The following PPP2R5C variants were observed in gnomAD, a reference collection of about 807,000 sequenced individuals.
The protein encoded by PPP2R5C is protein phosphatase 2 regulatory subunit B'gamma.
PPP2R5C carries 7 observed loss-of-function variants against 68.9 expected under a neutral mutation model. That is an observed-to-expected ratio of 0.10 (90% CI 0.06 to 0.19). The LOEUF (loss-of-function observed/expected upper bound fraction) is 0.19, where lower values mean the gene tolerates loss of function less well. Ranked by LOEUF, PPP2R5C falls within the 10% of genes least tolerant of loss-of-function variation. The pLI, the probability that PPP2R5C is intolerant of heterozygous loss-of-function variation, is 1.00. For missense variants in PPP2R5C, 348 were observed against 641.3 expected, an observed-to-expected ratio of 0.54 and a Z score of 4.94; for synonymous variants, 210 against 222.2, an observed-to-expected ratio of 0.95 and a Z score of 0.49.
In PPP2R5C at chr14:101,824,175, C is replaced by T. The variant is rs189957842; in HGVS notation, c.94+14139C>T. On this transcript the variant is annotated intron_variant, in intron 1 of 13. Coordinates refer to ENST00000334743, the Ensembl canonical transcript of PPP2R5C. The stretch of plus-strand genomic sequence containing the variant: ...CTGGCAAGAGTATTTTCGTGGTAAA[C>T]GTAAACTTACTATTGGTAAAGATTC... 7.5e-4 allele frequency: 950 copies of T among 1,263,984 alleles called. 6 individuals carry two copies. In the East Asian group the frequency reaches 0.016, roughly 22 times the overall value. The allele number at this position is 1,263,984 out of a possible 1,614,324, so 78.3% of individuals were successfully genotyped here.
intron 1 of PPP2R5C, among the ~76,000 whole-genome samples, chr14:101,816,940 T>C (rs1269667521): frequency 7.0e-6 from 1 of 142,834 alleles, no homozygotes; most frequent in Non-Finnish European, 1.5e-5. Flanking sequence ...ATATATAATA[T>C]AAAAATATTA....
intron 3 of PPP2R5C, among the ~76,000 whole-genome samples, chr14:101,787,562 G>C (rs376220853): frequency 2.9e-4 from 44 of 151,500 alleles, no homozygotes; most frequent in Non-Finnish European, 5.2e-4. Flanking sequence ...AGGAGATCAA[G>C]ACCATCCTGG....
upstream of PPP2R5C, chr14:101,761,817 G>T (rs2036554668): frequency 2.1e-6 from 2 of 970,108 alleles, no homozygotes; most frequent in Admixed American, 6.6e-5. Context: ...GGGGCGCGAC[G>T]GCCGGGGCGG....
Position 101,906,709 on chromosome 14 carries a change from AC to A in PPP2R5C, c.1151+182del. ...GGTTGTTTCTGTGGCCGTTGAATTT[AC>A]CACCTTATACCTTCATTCCTGCCAG... On this transcript the variant is annotated intron_variant, in intron 10 of 13. Coordinates refer to ENST00000334743, the Ensembl canonical transcript of PPP2R5C. The surrounding 1 kb of genome is among the most constrained non-coding windows in gnomAD (Gnocchi z 4.0). 2 of 734,126 alleles carry A rather than the reference AC, an allele frequency of 2.7e-6. No homozygotes were observed. Among genetic ancestry groups the A allele is most frequent in the East Asian group, 2.9e-5 (1 of 34,680 alleles). The allele number at this position is 734,126 out of a possible 1,614,324, so 45.5% of individuals were successfully genotyped here.
In PPP2R5C at chr14:101,917,825, T is replaced by C. The variant is rs748498185; in HGVS notation, c.1327-6T>C. ...TAACAGAGCGACTCCACGCTTTGCA[T>C]TGCAGTACACAGTGTATAGTCAAGC... On this transcript the variant is annotated splice_region_variant and splice_polypyrimidine_tract_variant and intron_variant, in intron 12 of 13. Transcript: ENST00000334743. This position sits in a 1 kb window ranked among gnomAD's most constrained non-coding sequence, Gnocchi z 4.4. 3 of 1,613,258 alleles carry C rather than the reference T, an allele frequency of 1.9e-6. No homozygotes were observed. Among genetic ancestry groups the C allele is most frequent in the Non-Finnish European group, 1.7e-6 (2 of 1,179,486 alleles).
chr14:101,904,934 T>C (rs1566957637), intron 9 of PPP2R5C, among the ~76,000 whole-genome samples: 1 of 152,260 alleles, frequency 6.6e-6, no homozygotes, highest in East Asian at 1.9e-4. Context: ...TGCACTTGTG[T>C]GCTGGTTTAC....
At chr14:101,768,483 A>G (rs2036973889) in intron 2 of PPP2R5C, among the ~76,000 whole-genome samples, 1 of 152,194 alleles carries the variant, frequency 6.6e-6, no homozygotes, top group Admixed American at 6.5e-5. Flanking sequence ...CACCCATTAC[A>G]TGTTGACATA....
At chr14:101,794,775 C>G (rs1470169329) in intron 3 of PPP2R5C, among the ~76,000 whole-genome samples, 1 of 152,228 alleles carries the variant, frequency 6.6e-6, no homozygotes, top group African/African-American at 2.4e-5. Context: ...ATTGTGTCTT[C>G]TAGTTATTAG....
intron 9 of PPP2R5C, among the ~76,000 whole-genome samples, chr14:101,903,167 G>A (rs951150847): frequency 5.3e-5 from 8 of 152,058 alleles, no homozygotes; most frequent in Admixed American, 2.0e-4. Flanking sequence ...CAGGGCGTTC[G>A]TATGCCAAGG....
intron 1 of PPP2R5C, among the ~76,000 whole-genome samples, chr14:101,829,592 CTT>C (rs1477056882): frequency 6.6e-6 from 1 of 152,226 alleles, no homozygotes; most frequent in Non-Finnish European, 1.5e-5. Flanking sequence ...ATTGAGACCT[CTT>C]ATAATATTCC....
At chr14:101,775,240 T>C (rs561811276) in intron 2 of PPP2R5C, among the ~76,000 whole-genome samples, 2 of 152,326 alleles carry the variant, frequency 1.3e-5, no homozygotes, top group African/African-American at 2.4e-5. Context: ...TTATATCTAG[T>C]TGTGAATTTT....
upstream of PPP2R5C, chr14:101,760,608 C>A: frequency 1.4e-6 from 1 of 703,216 alleles, no homozygotes; most frequent in Non-Finnish European, 1.6e-6. Context: ...CAGGAAAGGA[C>A]GGGACTGTCG....
chr14:101,901,663 T>G, intron 8 of PPP2R5C, 56 bp from the exon 11 acceptor site: 3 of 1,562,982 alleles, frequency 1.9e-6, no homozygotes, highest in Non-Finnish European at 2.6e-6. Context: ...CTTCTTACCA[T>G]GCAGGTGTTG....
intron 3 of PPP2R5C, among the ~76,000 whole-genome samples, chr14:101,788,263 C>T (rs2038210963): frequency 6.6e-6 from 1 of 152,210 alleles, no homozygotes; most frequent in Non-Finnish European, 1.5e-5. Context: ...CCAGTGCATG[C>T]TGGGTGTGTA....
At chr14:101,911,097 C>A (rs186177985) in intron 11 of PPP2R5C, among the ~76,000 whole-genome samples, 8 of 142,268 alleles carry the variant, frequency 5.6e-5, no homozygotes, top group Non-Finnish European at 1.2e-4. Flanking sequence ...AGAGAGACTC[C>A]GTCTCAAAAA....
chr14:101,915,741 G>C lies in PPP2R5C; in HGVS notation c.1327-2090G>C, dbSNP rs949088141. Among the ~76,000 whole-genome samples, 71 of 152,318 alleles carry C rather than the reference G, an allele frequency of 4.7e-4. 1 individual carries two copies. The highest frequency in any genetic ancestry group is 1.6e-3 in the African/African-American group (68 of 41,574). On this transcript the variant is annotated intron_variant, in intron 12 of 13. Coordinates refer to ENST00000334743, the Ensembl canonical transcript of PPP2R5C. The surrounding 1 kb of genome is among the most constrained non-coding windows in gnomAD (Gnocchi z 4.2). ...GATACAAAGATGAGAACAAGACATA[G>C]CCCCCAGCCTCAGGGAGCTTACAGT...
intron 1 of PPP2R5C, among the ~76,000 whole-genome samples, chr14:101,855,486 T>C (rs1678032): frequency 0.92 from 140,762 of 152,296 alleles, 65,227 homozygotes; most frequent in African/African-American, 0.98. Flanking sequence ...AATCTGAAAC[T>C]ATATCAGTAA....
intron 2 of PPP2R5C, among the ~76,000 whole-genome samples, chr14:101,872,689 T>C (rs906562857): frequency 6.6e-6 from 1 of 152,210 alleles, no homozygotes; most frequent in Admixed American, 6.5e-5. Context: ...AATGTACCCT[T>C]TCCCCCTCTG....
At chr14:101,870,290 C>T (rs749266477) in intron 2 of PPP2R5C, among the ~76,000 whole-genome samples, 1 of 152,148 alleles carries the variant, frequency 6.6e-6, no homozygotes, top group Non-Finnish European at 1.5e-5. Context: ...AACCTAAGCT[C>T]ACAAAGATTT....
Sources: allele counts gnomAD v4.1 joint callset (sites outside exome capture counted in the v4.1 genomes callset), GRCh38; gene constraint gnomAD v4.1.1; non-coding constraint Gnocchi (gnomAD v3.1); transcripts MANE v1.5; gene names NCBI Gene and HGNC (gene_info 2026-07-23, HGNC 2026-07-21).